The following HLF variants were observed in gnomAD, a reference collection of about 807,000 sequenced individuals.
The protein encoded by HLF is HLF transcription factor, PAR bZIP family member, also known as hepatic leukemia factor.
Under a neutral mutation model 22.6 loss-of-function variants are expected in HLF, and 3 were observed. The observed-to-expected ratio is 0.13, with a 90% CI of 0.06 to 0.34. HLF has a LOEUF of 0.34. HLF is among the 10% of genes least tolerant of loss of function. HLF has a pLI of 1.00. For missense variants in HLF, 299 were observed against 389.2 expected (o/e 0.77, Z 1.95); for synonymous variants, 151 against 151.8 (o/e 0.99, Z 0.04).
At position 55,323,606 on chromosome 17, in the gene HLF, AC is replaced by A. The variant is rs1384990121; in HGVS notation, c.*2728del. 4.4e-6 allele frequency: 1 copy of A among 227,304 alleles called. No individual in the cohort carries two copies. Among genetic ancestry groups the A allele is most frequent in the African/African-American group, 2.2e-5 (1 of 45,092 alleles). 14.1% of individuals were successfully genotyped at this position (227,304 alleles called of 1,614,324 possible). The stretch of plus-strand genomic sequence containing the variant: ...CAAATTTAAACACTTTGGAGTCTGT[AC>A]AGGTGCCTTATATGTAGGTCATTGT... On this transcript the variant is annotated 3_prime_UTR_variant, in exon 4 of 4. Coordinates refer to ENST00000226067, the MANE Select transcript of HLF (RefSeq NM_002126.5).
At chr17:55,313,743 G>C (rs377599946) in intron 2 of HLF, among the ~76,000 whole-genome samples, 3 of 152,220 alleles carry the variant, frequency 2.0e-5, no homozygotes, top group African/African-American at 7.2e-5. Flanking sequence ...CTAGAAGCTG[G>C]AGCTGAGCTA....
At chr17:55,293,545 G>A (rs1284834621) in intron 2 of HLF, among the ~76,000 whole-genome samples, 1 of 152,214 alleles carries the variant, frequency 6.6e-6, no homozygotes, top group Non-Finnish European at 1.5e-5. Context: ...CTGGGCACTG[G>A]ACTGAGGTTT....
intron 2 of HLF, among the ~76,000 whole-genome samples, chr17:55,301,662 C>A (rs941968435): frequency 2.6e-5 from 4 of 152,322 alleles, no homozygotes; most frequent in East Asian, 3.9e-4. Flanking sequence ...GAGATAGGAA[C>A]AATATGCCTC....
At position 55,265,388 on chromosome 17, in the gene HLF, T is replaced by C. The variant is rs1003151130; in HGVS notation, c.-97T>C. ...TCCACCGCCTTGAGAGCGAGTACTT[T>C]TGGCAAAGGACGGAGGAAAAGCTCA... On this transcript the variant is annotated 5_prime_UTR_variant, in exon 1 of 4. Transcript: ENST00000226067. 8.3e-6 allele frequency: 6 copies of C among 723,508 alleles called. No individual in the cohort carries two copies. Among genetic ancestry groups the C allele is most frequent in the South Asian group, 4.8e-5 (3 of 62,634 alleles). The allele number at this position is 723,508 out of a possible 1,614,324, so 44.8% of individuals were successfully genotyped here.
chr17:55,269,205 G>T (rs564549309), intron 2 of HLF, among the ~76,000 whole-genome samples: 5 of 152,146 alleles, frequency 3.3e-5, no homozygotes, highest in Admixed American at 2.0e-4. Flanking sequence ...CCCCTGCCTC[G>T]ATATATTCAT....
At chr17:55,286,594 A>G in intron 2 of HLF, among the ~76,000 whole-genome samples, 1 of 152,164 alleles carries the variant, frequency 6.6e-6, no homozygotes, top group East Asian at 1.9e-4. Context: ...AATGGTTAGA[A>G]AACAAAGATT....
intron 2 of HLF, chr17:55,288,945 A>G: frequency 1.0e-6 from 1 of 985,288 alleles, no homozygotes; most frequent in Non-Finnish European, 1.2e-6. Context: ...GAGTTCTTAA[A>G]ACTCATCCCA....
At chr17:55,307,840 A>AC (rs1252667048) in intron 2 of HLF, among the ~76,000 whole-genome samples, 2 of 151,964 alleles carry the variant, frequency 1.3e-5, no homozygotes, top group Non-Finnish European at 2.9e-5. Context: ...TAAAAAAAAA[A>AC]AAAAAACATC....
intron 2 of HLF, among the ~76,000 whole-genome samples, chr17:55,292,483 A>G (rs2081072654): frequency 6.6e-6 from 1 of 152,250 alleles, no homozygotes; most frequent in South Asian, 2.1e-4. Context: ...GTTTTTAGTC[A>G]TAATGGTATT....
At chr17:55,281,468 G>T (rs371989018) in intron 2 of HLF, among the ~76,000 whole-genome samples, 1 of 152,162 alleles carries the variant, frequency 6.6e-6, no homozygotes. Flanking sequence ...AGCCAAGATC[G>T]TGCCATTGCG....
chr17:55,324,150 T>G lies in HLF; in HGVS notation c.*3271T>G, dbSNP rs1245759342. ...CTGTGATAGGCCTTTTGTCTTCAAA[T>G]ACAACAGGCCTCCACTGACCCATCC... On this transcript the variant is annotated 3_prime_UTR_variant, in exon 4 of 4. Coordinates refer to ENST00000226067, the MANE Select transcript of HLF (RefSeq NM_002126.5). 1 of 225,134 alleles carries G rather than the reference T, an allele frequency of 4.4e-6. No individual in the cohort carries two copies. Among genetic ancestry groups the G allele is most frequent in the African/African-American group, 2.2e-5 (1 of 44,926 alleles). The allele number at this position is 225,134 out of a possible 1,614,324, so 13.9% of individuals were successfully genotyped here. A position where few individuals can be genotyped will look rare whatever the true frequency, so the allele number is the denominator to read the frequency against.
chr17:55,303,294 T>C (rs1904386348), intron 2 of HLF, among the ~76,000 whole-genome samples: 1 of 152,182 alleles, frequency 6.6e-6, no homozygotes, highest in Admixed American at 6.5e-5. Flanking sequence ...GCTGCTACTC[T>C]CTCAAGAAGG....
At chr17:55,289,654 A>T (rs1198538022) in intron 2 of HLF, among the ~76,000 whole-genome samples, 2 of 152,230 alleles carry the variant, frequency 1.3e-5, no homozygotes, top group African/African-American at 4.8e-5. Context: ...TGTGGCAAAC[A>T]TCCTTATTCT....
At chr17:55,317,141 G>A (rs1010045827) in intron 3 of HLF, among the ~76,000 whole-genome samples, 1 of 151,856 alleles carries the variant, frequency 6.6e-6, no homozygotes, top group Admixed American at 6.6e-5. Context: ...CTAATTTTTT[G>A]TATTTTTAGT....
intron 2 of HLF, among the ~76,000 whole-genome samples, chr17:55,287,997 G>A (rs1210761120): frequency 6.6e-6 from 1 of 152,182 alleles, no homozygotes; most frequent in East Asian, 1.9e-4. Flanking sequence ...CTTTGCAAAG[G>A]GTTATGATAG....
chr17:55,287,080 G>A (rs2081010880), intron 2 of HLF, among the ~76,000 whole-genome samples: 2 of 152,194 alleles, frequency 1.3e-5, no homozygotes, highest in African/African-American at 4.8e-5. Context: ...CAATCAGGGG[G>A]GAGGCAGGGG....
chr17:55,321,052 CA>C lies in HLF; in HGVS notation c.*174del. ...GTGTGCGTGTATATGTGCTTGTGCT[CA>C]TGTGTGTGGTCAGCGGTATGTGCGT... On this transcript the variant is annotated 3_prime_UTR_variant, in exon 4 of 4. Transcript: ENST00000226067. 3.6e-5 allele frequency: 22 copies of C among 602,988 alleles called. No individual in the cohort carries two copies. In the South Asian group the frequency reaches 4.3e-4, roughly 12 times the overall value. 37.4% of individuals were successfully genotyped at this position (602,988 alleles called of 1,614,324 possible). A position where few individuals can be genotyped will look rare whatever the true frequency, so the allele number is the denominator to read the frequency against.
intron 2 of HLF, among the ~76,000 whole-genome samples, chr17:55,296,910 T>G (rs1038084853): frequency 6.6e-6 from 1 of 152,122 alleles, no homozygotes; most frequent in East Asian, 1.9e-4. Context: ...GAGCTAAGTA[T>G]CTGTACTTTT....
intron 2 of HLF, among the ~76,000 whole-genome samples, chr17:55,284,230 T>C (rs994135518): frequency 3.3e-5 from 5 of 152,222 alleles, no homozygotes; most frequent in African/African-American, 1.2e-4. Context: ...AATCAACCAG[T>C]TGCAATTTGT....
Sources: allele counts gnomAD v4.1 joint callset (sites outside exome capture counted in the v4.1 genomes callset), GRCh38; gene constraint gnomAD v4.1.1; transcripts MANE v1.5; gene names NCBI Gene and HGNC (gene_info 2026-07-23, HGNC 2026-07-21).